The following RALY variants were observed in gnomAD, a reference collection of about 807,000 sequenced individuals.
RALY encodes RNA-binding protein Raly.
A neutral mutation model predicts 30.7 loss-of-function variants in RALY; 15 were observed. That is an observed-to-expected ratio of 0.49 (90% CI 0.33 to 0.75). The LOEUF is 0.75. Among genes scored for constraint, RALY ranks in the 30% least tolerant of loss-of-function variants. The pLI is 0.02. For missense variants in RALY, 339 were observed against 414.3 expected (o/e 0.82, Z 1.58); for synonymous variants, 177 against 170.8 (o/e 1.04, Z -0.28).
At chr20:34,012,479 CCTTT>C (rs1210946782) in intron 1 of RALY, among the ~76,000 whole-genome samples, 1 of 140,756 alleles carries the variant, frequency 7.1e-6, no homozygotes, top group South Asian at 2.4e-4. Flanking sequence ...TCCTCCGCCT[CCTTT>C]CTTTTTGAGC....
intron 2 of RALY, among the ~76,000 whole-genome samples, chr20:34,056,377 A>G (rs902055241): frequency 6.6e-6 from 1 of 152,118 alleles, no homozygotes; most frequent in African/African-American, 2.4e-5. Context: ...CCCTTAGGTA[A>G]TTGACATGCC....
At chr20:34,026,843 G>A (rs1351267281) in intron 1 of RALY, among the ~76,000 whole-genome samples, 1 of 152,062 alleles carries the variant, frequency 6.6e-6, no homozygotes, top group Non-Finnish European at 1.5e-5. Flanking sequence ...GTAGATATTC[G>A]GTTGATATTC....
At chr20:34,002,960 CTG>C (rs1199741262) in intron 1 of RALY, among the ~76,000 whole-genome samples, 3 of 152,264 alleles carry the variant, frequency 2.0e-5, no homozygotes, top group Admixed American at 1.3e-4. Flanking sequence ...TTTGATCAGT[CTG>C]TGATTTGATA....
chr20:34,079,290 A>G (rs944645506), intron 9 of RALY, among the ~76,000 whole-genome samples: 3 of 152,160 alleles, frequency 2.0e-5, no homozygotes, highest in Non-Finnish European at 4.4e-5. Flanking sequence ...ATAAGGTAGT[A>G]GTTGGTGGAG....
At chr20:34,079,559 T>C (rs2033987323) in intron 9 of RALY, among the ~76,000 whole-genome samples, 1 of 152,142 alleles carries the variant, frequency 6.6e-6, no homozygotes, top group African/African-American at 2.4e-5. Flanking sequence ...CTTTAGAAAA[T>C]TGTACATATG....
chr20:34,031,038 C>T (rs927465744), intron 1 of RALY, among the ~76,000 whole-genome samples: 6 of 124,294 alleles, frequency 4.8e-5, no homozygotes, highest in African/African-American at 1.9e-4. Flanking sequence ...CTCCCCTTCC[C>T]TCCCCTTCCT....
intron 2 of RALY, among the ~76,000 whole-genome samples, chr20:34,038,385 C>T (rs1253320973): frequency 1.3e-5 from 2 of 152,080 alleles, no homozygotes; most frequent in Non-Finnish European, 2.9e-5. Context: ...GTTGGTGGTT[C>T]TAGAACCTTG....
chr20:34,028,391 G>T (rs1168003665), intron 1 of RALY, among the ~76,000 whole-genome samples: 2 of 152,004 alleles, frequency 1.3e-5, no homozygotes, highest in African/African-American at 4.8e-5. Context: ...TATTCCTGAG[G>T]CCTTAGCTGA....
At chr20:34,009,592 A>G (rs889793140) in intron 1 of RALY, among the ~76,000 whole-genome samples, 1 of 152,110 alleles carries the variant, frequency 6.6e-6, no homozygotes, top group Non-Finnish European at 1.5e-5. Context: ...CATGCTTTAG[A>G]AGCTTGTAAA....
intron 2 of RALY, among the ~76,000 whole-genome samples, chr20:34,045,121 A>G (rs1282256625): frequency 1.3e-5 from 2 of 152,012 alleles, no homozygotes; most frequent in Non-Finnish European, 2.9e-5. Flanking sequence ...TACGTTGCCT[A>G]GGATGGTCTC....
At chr20:33,999,123 C>CAA (rs1039542148) in intron 1 of RALY, among the ~76,000 whole-genome samples, 19 of 54,092 alleles carry the variant, frequency 3.5e-4, no homozygotes, top group East Asian at 1.5e-3. Context: ...GACTCCATCT[C>CAA]AAAAAAAAAA....
chr20:34,050,672 C>A (rs910352780), intron 2 of RALY, among the ~76,000 whole-genome samples: 25 of 152,172 alleles, frequency 1.6e-4, no homozygotes, highest in Non-Finnish European at 1.0e-4. Context: ...AGTCACCTCC[C>A]CCTCTTGCCA....
At chr20:33,997,599 C>CT (rs2030700945) in intron 1 of RALY, among the ~76,000 whole-genome samples, 1 of 152,172 alleles carries the variant, frequency 6.6e-6, no homozygotes. Context: ...AATGTTCCCT[C>CT]TTTCTTCCCC....
At chr20:34,075,154 A>C (rs2033838690) in intron 5 of RALY, among the ~76,000 whole-genome samples, 2 of 152,070 alleles carry the variant, frequency 1.3e-5, no homozygotes, top group African/African-American at 2.4e-5. Flanking sequence ...GAGCTGCCCA[A>C]CCTTGATACT....
Position 34,073,636 on chromosome 20 carries a change from G to A in RALY, c.329+1G>A. 6.3e-7 allele frequency: 1 copy of A among 1,591,090 alleles called. No individual in the cohort carries two copies. The stretch of plus-strand genomic sequence containing the variant: ...AGAGAGCAGCATCTGCCATATACAG[G>A]TGGGGCTGTCTGACTGTCTGTCTGT... On this transcript the variant is annotated splice_donor_variant, in intron 4 of 9. Transcript: ENST00000246194. LOFTEE classifies it high-confidence loss of function.
In RALY at chr20:34,072,281, G is replaced by A; in HGVS notation, c.207G>A (p.Arg69=). The change falls in exon 3 of 10, where the codon CGG becomes CGA. Residue 69 remains arginine (R), a synonymous_variant. Transcript: ENST00000246194. The part of the protein sequence containing the change: ...FVQYSNERHA[R]AAVLGENGRV... Reference sequence around the variant, plus strand: ...AGTACTCCAATGAGCGCCATGCCCGGGCAGCTGTGCTGGGAGAGAATGGGC... The same window carrying A: ...AGTACTCCAATGAGCGCCATGCCCGAGCAGCTGTGCTGGGAGAGAATGGGC... 1 of 1,614,018 alleles carries A rather than the reference G, an allele frequency of 6.2e-7. No individual in the cohort carries two copies. Among genetic ancestry groups the A allele is most frequent in the Non-Finnish European group, 8.5e-7 (1 of 1,180,040 alleles).
chr20:34,066,188 T>TTC (rs57960843), intron 2 of RALY, among the ~76,000 whole-genome samples: 5 of 145,432 alleles, frequency 3.4e-5, no homozygotes, highest in African/African-American at 1.3e-4. Context: ...TTTTTTTTTT[T>TTC]CATTTATAAA....
chr20:34,048,028 C>A (rs1036421705), intron 2 of RALY, among the ~76,000 whole-genome samples: 1 of 152,174 alleles, frequency 6.6e-6, no homozygotes, highest in Non-Finnish European at 1.5e-5. Context: ...TCTGAGTAAG[C>A]AGGATTGTTA....
At chr20:34,053,383 A>ATTTTTTTTTTTTTTTTTTTTTTTTTTT (rs60912814) in intron 2 of RALY, among the ~76,000 whole-genome samples, 1 of 54,140 alleles carries the variant, frequency 1.8e-5, no homozygotes, top group East Asian at 7.1e-4. Context: ...ATGTTCAATA[A>ATTTTTTTTTTTTTTTTTTTTTTTTTTT]TTTTTTTTTT....
Sources: gnomAD v4.1 joint callset for allele counts (sites outside exome capture counted in the v4.1 genomes callset) on GRCh38, gnomAD v4.1.1 for gene constraint, MANE v1.5 for transcripts, NCBI Gene and HGNC (gene_info 2026-07-23, HGNC 2026-07-21) for gene names.